The following PRKG1 variants were observed in gnomAD, a reference collection of about 807,000 sequenced individuals.
PRKG1 encodes the protein cGMP-dependent protein kinase 1.
Under a neutral mutation model 88.1 loss-of-function variants are expected in PRKG1, and 35 were observed. The ratio of observed to expected loss-of-function variants is 0.40; its 90% CI spans 0.30 to 0.53. The LOEUF is 0.53. Among genes scored for constraint, PRKG1 ranks in the 20% least tolerant of loss-of-function variants. PRKG1 has a pLI of 0.59. For missense variants in PRKG1, 540 were observed against 839.8 expected (o/e 0.64, Z 4.41); for synonymous variants, 303 against 292.5 (o/e 1.04, Z -0.37).
At chr10:51,162,758 T>C (rs1846397995) in intron 2 of PRKG1, among the ~76,000 whole-genome samples, 1 of 152,186 alleles carries the variant, frequency 6.6e-6, no homozygotes, top group Non-Finnish European at 1.5e-5. Flanking sequence ...TCTCACTCTT[T>C]CCCATGCTGG....
intron 2 of PRKG1, among the ~76,000 whole-genome samples, chr10:51,277,806 A>G (rs1167140244): frequency 1.3e-5 from 2 of 152,200 alleles, no homozygotes; most frequent in Non-Finnish European, 2.9e-5. Context: ...TTGATTTTGT[A>G]TCCTGAGACT....
intron 1 of PRKG1, among the ~76,000 whole-genome samples, chr10:51,091,651 T>C (rs1440631457): frequency 6.6e-6 from 1 of 152,136 alleles, no homozygotes; most frequent in Admixed American, 6.6e-5. Flanking sequence ...TTTTGGAGAA[T>C]TGAAGCATTT....
intron 2 of PRKG1, among the ~76,000 whole-genome samples, chr10:51,440,010 A>G (rs1179706031): frequency 6.6e-6 from 1 of 151,964 alleles, no homozygotes; most frequent in Admixed American, 6.6e-5. Context: ...GAATCATGTA[A>G]TCATAAAATT....
chr10:51,574,245 AC>A (rs996232748), intron 3 of PRKG1, among the ~76,000 whole-genome samples: 1 of 151,920 alleles, frequency 6.6e-6, no homozygotes, highest in African/African-American at 2.4e-5. Flanking sequence ...TAGTGAAGGA[AC>A]TTTTTTTCAT....
At chr10:51,647,520 T>A (rs1839943346) in intron 3 of PRKG1, among the ~76,000 whole-genome samples, 1 of 152,192 alleles carries the variant, frequency 6.6e-6, no homozygotes, top group Non-Finnish European at 1.5e-5. Flanking sequence ...CGTTTTTGTA[T>A]CTCCAGTTAC....
intron 1 of PRKG1, among the ~76,000 whole-genome samples, chr10:51,137,145 A>G (rs1006643048): frequency 5.1e-4 from 77 of 152,062 alleles, no homozygotes; most frequent in African/African-American, 1.8e-3. Flanking sequence ...TCGGCCTCCC[A>G]AAGTGCTGGG....
rs752357283 is a variant in PRKG1 at position 52,288,853 on chromosome 10, G to A, written c.1832+5G>A. On this transcript the variant is annotated splice_donor_5th_base_variant and intron_variant, in intron 15 of 17. Coordinates refer to ENST00000373980, the MANE Select transcript of PRKG1 (RefSeq NM_006258.4). ...TTTAATTAAAAAACTATGCAGGTAA[G>A]TATTTCAACCACATTATTTTTGAAA... 62 of 1,598,742 alleles carry A rather than the reference G, an allele frequency of 3.9e-5. No homozygotes were observed. Among genetic ancestry groups the A allele is most frequent in the Non-Finnish European group, 5.0e-5 (59 of 1,174,458 alleles).
At chr10:51,628,006 CTCTCTT>C (rs1175695718) in intron 3 of PRKG1, among the ~76,000 whole-genome samples, 1,666 of 51,578 alleles carry the variant, frequency 0.032, 77 homozygotes, top group African/African-American at 0.088. Flanking sequence ...CTCTCTCTCT[CTCTCTT>C]TCTTTCTTTC....
At chr10:51,305,584 C>G (rs967299006) in intron 2 of PRKG1, among the ~76,000 whole-genome samples, 33 of 152,240 alleles carry the variant, frequency 2.2e-4, no homozygotes, top group African/African-American at 7.5e-4. Flanking sequence ...TTTCAATTGG[C>G]CTTTAGGGCA....
intron 3 of PRKG1, among the ~76,000 whole-genome samples, chr10:51,598,921 C>A (rs970513060): frequency 2.0e-5 from 3 of 151,994 alleles, no homozygotes; most frequent in Non-Finnish European, 4.4e-5. Context: ...TGTAGGGGAG[C>A]ATGTGGGCAC....
At chr10:51,911,984 T>G (rs551292362) in intron 5 of PRKG1, among the ~76,000 whole-genome samples, 1 of 152,178 alleles carries the variant, frequency 6.6e-6, no homozygotes. Context: ...AGGACTGCGC[T>G]CTCTCATAGC....
chr10:51,667,134 T>A (rs1840441939), intron 3 of PRKG1, among the ~76,000 whole-genome samples: 1 of 152,172 alleles, frequency 6.6e-6, no homozygotes, highest in Admixed American at 6.5e-5. Flanking sequence ...TCCAAAATAT[T>A]GTTAATTATA....
chr10:51,122,343 A>G (rs1845279394), intron 1 of PRKG1, among the ~76,000 whole-genome samples: 1 of 152,170 alleles, frequency 6.6e-6, no homozygotes, highest in African/African-American at 2.4e-5. Flanking sequence ...CTGGGATGCC[A>G]CATGGACACA....
chr10:52,117,164 C>CTGTGTGTGTGTGTGTGTG (rs71459438), intron 7 of PRKG1, among the ~76,000 whole-genome samples: 17 of 139,316 alleles, frequency 1.2e-4, no homozygotes, highest in South Asian at 2.4e-4. Context: ...TGTGAAATAT[C>CTGTGTGTGTGTGTGTGTG]TGTGTGTGTG....
intron 4 of PRKG1, among the ~76,000 whole-genome samples, chr10:51,899,209 G>A (rs1055790955): frequency 1.3e-5 from 2 of 151,768 alleles, no homozygotes; most frequent in African/African-American, 4.8e-5. Flanking sequence ...TTCAACTTAG[G>A]TTGGTTATAT....
At chr10:51,784,531 T>C (rs1477184849) in intron 3 of PRKG1, among the ~76,000 whole-genome samples, 1 of 152,104 alleles carries the variant, frequency 6.6e-6, no homozygotes, top group Non-Finnish European at 1.5e-5. Flanking sequence ...GAAACCAGAA[T>C]AGTTTTTTAC....
chr10:51,671,444 C>T (rs1840574069), intron 3 of PRKG1, among the ~76,000 whole-genome samples: 1 of 152,168 alleles, frequency 6.6e-6, no homozygotes, highest in African/African-American at 2.4e-5. Flanking sequence ...TATTCCATGA[C>T]TCTGTCCTAG....
intron 2 of PRKG1, among the ~76,000 whole-genome samples, chr10:51,443,742 T>C (rs930465840): frequency 6.6e-6 from 1 of 151,982 alleles, no homozygotes; most frequent in Admixed American, 6.6e-5. Flanking sequence ...TGGGGAACTT[T>C]AAGAGCTACA....
At chr10:52,196,361 C>A (rs541913947) in intron 9 of PRKG1, among the ~76,000 whole-genome samples, 14 of 152,156 alleles carry the variant, frequency 9.2e-5, no homozygotes, top group African/African-American at 3.4e-4. Context: ...TTTGTTAACA[C>A]CTTAATTACC....
Sources: gnomAD v4.1 joint callset for allele counts (sites outside exome capture counted in the v4.1 genomes callset) on GRCh38, gnomAD v4.1.1 for gene constraint, MANE v1.5 for transcripts, NCBI Gene and HGNC (gene_info 2026-07-23, HGNC 2026-07-21) for gene names.